The following PCNX2 variants were observed in gnomAD, a reference collection of about 807,000 sequenced individuals.
PCNX2 encodes pecanex 2.
Under a neutral mutation model 223.8 loss-of-function variants are expected in PCNX2, and 168 were observed. The observed-to-expected ratio is 0.75, with a 90% CI of 0.66 to 0.85. The LOEUF (loss-of-function observed/expected upper bound fraction) is 0.85. Ranked by LOEUF, PCNX2 falls within the 40% of genes least tolerant of loss-of-function variation. The pLI is 0.00. For missense variants in PCNX2, 2,507 were observed against 2,675.5 expected, an observed-to-expected ratio of 0.94 and a Z score of 1.39; for synonymous variants, 1,006 against 1,052.6, an observed-to-expected ratio of 0.96 and a Z score of 0.86.
Position 233,261,331 on chromosome 1 carries a change from T to C in PCNX2, c.481-10A>G, listed in dbSNP as rs771499077. On this transcript the variant is annotated splice_polypyrimidine_tract_variant and intron_variant, in intron 3 of 33. Coordinates refer to ENST00000258229, the MANE Select transcript of PCNX2 (RefSeq NM_014801.4). ...CCTGTGCTGACAACTCCTACACAAA[T>C]GAAAGAAACAAAAATCAATAGATGA... 4 of 1,612,002 alleles carry C rather than the reference T, an allele frequency of 2.5e-6. No individual in the cohort carries two copies. Among genetic ancestry groups the C allele is most frequent in the East Asian group, 2.2e-5 (1 of 44,840 alleles).
chr1:233,272,666 T>A (rs113529158), intron 1 of PCNX2, among the ~76,000 whole-genome samples: 3,762 of 152,212 alleles, frequency 0.025, 160 homozygotes, highest in African/African-American at 0.086. Flanking sequence ...GGAAAAGAAA[T>A]CCTTATATGA....
intron 8 of PCNX2, among the ~76,000 whole-genome samples, chr1:233,240,726 C>T (rs769126131): frequency 1.5e-4 from 23 of 152,086 alleles, no homozygotes; most frequent in Non-Finnish European, 3.1e-4. Flanking sequence ...TAAAGACGGG[C>T]CTGGGGCTAG....
At position 233,121,806 on chromosome 1, in the gene PCNX2, G is replaced by T. The variant is rs190485041; in HGVS notation, c.3837+13207C>A. 2.8e-3 allele frequency among the ~76,000 whole-genome samples: 422 copies of T among 152,210 alleles called. 1 individual carries two copies. The highest frequency in any genetic ancestry group is 3.6e-3 in the Non-Finnish European group (246 of 68,012). On this transcript the variant is annotated intron_variant, in intron 21 of 33. Transcript: ENST00000258229. ...TTGAACTCAAGTTTAGTTTAATGCC[G>T]ATACAGGTAGTTACAGACATACAGA...
At chr1:233,121,790 A>C (rs1675811182) in intron 21 of PCNX2, among the ~76,000 whole-genome samples, 1 of 152,198 alleles carries the variant, frequency 6.6e-6, no homozygotes, top group Non-Finnish European at 1.5e-5. Context: ...TTTGAACTCA[A>C]GTTTAGTTTA....
At chr1:233,278,098 T>C (rs753606652) in intron 1 of PCNX2, among the ~76,000 whole-genome samples, 6 of 152,256 alleles carry the variant, frequency 3.9e-5, no homozygotes, top group Admixed American at 6.5e-5. Flanking sequence ...TTTTATGGAC[T>C]CTATTTCAAG....
intron 7 of PCNX2, among the ~76,000 whole-genome samples, chr1:233,251,792 G>A (rs1329581252): frequency 6.6e-6 from 1 of 152,224 alleles, no homozygotes; most frequent in Admixed American, 6.5e-5. Flanking sequence ...ACCCATCCCA[G>A]AAAAACTAGG....
At chr1:233,027,230 A>G (rs557305573) in intron 25 of PCNX2, among the ~76,000 whole-genome samples, 2 of 152,292 alleles carry the variant, frequency 1.3e-5, no homozygotes, top group East Asian at 3.9e-4. Flanking sequence ...AGATTTGGCA[A>G]TATGGAGGTG....
At chr1:233,226,279 G>A (rs111563939) in intron 10 of PCNX2, among the ~76,000 whole-genome samples, 21 of 151,900 alleles carry the variant, frequency 1.4e-4, no homozygotes, top group Non-Finnish European at 2.5e-4. Flanking sequence ...TTTTTTCTGG[G>A]TGGGGGGGAG....
intron 23 of PCNX2, among the ~76,000 whole-genome samples, chr1:233,080,277 A>G (rs1046276837): frequency 7.9e-5 from 12 of 152,008 alleles, no homozygotes; most frequent in African/African-American, 2.4e-4. Flanking sequence ...GAGTTGGTCC[A>G]TATTCCTACT....
chr1:233,153,093 A>G (rs561534065), intron 19 of PCNX2, among the ~76,000 whole-genome samples: 4 of 152,098 alleles, frequency 2.6e-5, no homozygotes, highest in Non-Finnish European at 5.9e-5. Context: ...GAGTCAAAAA[A>G]CCTCAGACTT....
intron 21 of PCNX2, among the ~76,000 whole-genome samples, chr1:233,103,370 T>C (rs1674598863): frequency 6.6e-6 from 1 of 152,082 alleles, no homozygotes; most frequent in Non-Finnish European, 1.5e-5. Context: ...ACACAAGGTA[T>C]TATTCACTTT....
At chr1:233,167,649 T>C (rs531197710) in intron 17 of PCNX2, 16 of 772,140 alleles carry the variant, frequency 2.1e-5, no homozygotes, top group Middle Eastern at 6.6e-4. Flanking sequence ...TTACTATCTA[T>C]AGGTACCTCA....
chr1:233,112,710 T>TAGCC, intron 21 of PCNX2: 5 of 619,412 alleles, frequency 8.1e-6, no homozygotes, highest in South Asian at 7.6e-5. Context: ...TGTAGATCTT[T>TAGCC]GAACAATATA....
intron 19 of PCNX2, among the ~76,000 whole-genome samples, chr1:233,141,959 A>C (rs1330065905): frequency 6.6e-6 from 1 of 152,138 alleles, no homozygotes; most frequent in African/African-American, 2.4e-5. Context: ...TAAATAGAAG[A>C]GACAATGAGA....
At chr1:233,044,284 G>C (rs1671749372) in intron 25 of PCNX2, among the ~76,000 whole-genome samples, 1 of 152,210 alleles carries the variant, frequency 6.6e-6, no homozygotes, top group Non-Finnish European at 1.5e-5. Flanking sequence ...ATTTGTTTGA[G>C]TTCATTGTAG....
At chr1:233,318,291 A>T in the PCNX2 span, among the ~76,000 whole-genome samples, 1 of 152,134 alleles carries the variant, frequency 6.6e-6, no homozygotes. Flanking sequence ...GAATTCACAT[A>T]CAGTTTTTGA....
At chr1:233,041,605 T>G (rs1300567076) in intron 25 of PCNX2, among the ~76,000 whole-genome samples, 1 of 152,236 alleles carries the variant, frequency 6.6e-6, no homozygotes, top group Non-Finnish European at 1.5e-5. Context: ...CAGTGCACAC[T>G]AACCTTTTAA....
rs74145085 is a variant in PCNX2 at position 233,158,698 on chromosome 1, T to C, written c.3517+1585A>G. Among the ~76,000 whole-genome samples the C allele has an allele frequency of 4.0e-3, 611 of 152,322 alleles. 2 individuals are homozygous for C. The highest frequency in any genetic ancestry group is 0.014 in the African/African-American group (570 of 41,566). ...ACAGGTACAGATATAAATATAGATATAGATATGCAGTTAAAGCTTCTTACT... is the reference window on the plus strand; with the variant it reads ...ACAGGTACAGATATAAATATAGATACAGATATGCAGTTAAAGCTTCTTACT... On this transcript the variant is annotated intron_variant, in intron 19 of 33. Transcript: ENST00000258229.
chr1:233,172,680 G>A (rs114883644), intron 17 of PCNX2, among the ~76,000 whole-genome samples: 1,968 of 152,254 alleles, frequency 0.013, 26 homozygotes, highest in South Asian at 0.037. Flanking sequence ...ATGCTCTTGG[G>A]GCAAAAGCAG....
Sources: gnomAD v4.1 joint callset for allele counts (sites outside exome capture counted in the v4.1 genomes callset) on GRCh38, gnomAD v4.1.1 for gene constraint, MANE v1.5 for transcripts, NCBI Gene and HGNC (gene_info 2026-07-23, HGNC 2026-07-21) for gene names.